Variants in DAB1 observed in about 807,000 individuals in gnomAD.
DAB1 encodes the protein DAB adaptor protein 1, also known as disabled homolog 1.
A neutral mutation model predicts 64.6 loss-of-function variants in DAB1; 15 were observed. The ratio of observed to expected loss-of-function variants is 0.23; its 90% CI spans 0.16 to 0.36. The LOEUF is 0.36. DAB1 is among the 10% of genes least tolerant of loss of function. The probability of loss-of-function intolerance (pLI) is 1.00; values close to 1 mark genes in which losing one functional copy is unlikely to be tolerated. For missense variants in DAB1, 596 were observed against 706.7 expected (o/e 0.84, Z 1.78); for synonymous variants, 235 against 251.9 (o/e 0.93, Z 0.64).
chr1:57,845,259 A>G (rs1024227540), intron 1 of DAB1, among the ~76,000 whole-genome samples: 1 of 152,140 alleles, frequency 6.6e-6, no homozygotes, highest in African/African-American at 2.4e-5. Flanking sequence ...TCACAATCTG[A>G]TGATTAAACT....
chr1:57,795,330 C>T (rs1650795074), intron 6 of DAB1, among the ~76,000 whole-genome samples: 1 of 152,048 alleles, frequency 6.6e-6, no homozygotes, highest in African/African-American at 2.4e-5. Context: ...CACTAGAACT[C>T]TTTTTCCTTT....
chr1:58,329,726 ATG>A (rs1195855437), intron 4 of DAB1, among the ~76,000 whole-genome samples: 1 of 152,048 alleles, frequency 6.6e-6, no homozygotes, highest in African/African-American at 2.4e-5. Flanking sequence ...TCATTATTTT[ATG>A]TGTTATGGTG....
At chr1:57,945,323 G>T (rs542992180) in intron 5 of DAB1, among the ~76,000 whole-genome samples, 2 of 152,142 alleles carry the variant, frequency 1.3e-5, no homozygotes, top group East Asian at 3.9e-4. Context: ...GTAGTGGTTT[G>T]TTCATAGCTC....
At chr1:58,277,107 TC>T (rs1661467278) in intron 4 of DAB1, among the ~76,000 whole-genome samples, 1 of 145,562 alleles carries the variant, frequency 6.9e-6, no homozygotes. Flanking sequence ...TGGTATGATC[TC>T]GGCTCCCTGC....
chr1:58,187,565 ATAT>A (rs377009640), intron 4 of DAB1, among the ~76,000 whole-genome samples: 1,715 of 148,122 alleles, frequency 0.012, 18 homozygotes, highest in African/African-American at 0.03. Context: ...TATATTTTAT[ATAT>A]TATTATTATT....
At chr1:57,722,555 G>T (rs1371190869) in intron 6 of DAB1, among the ~76,000 whole-genome samples, 1 of 152,202 alleles carries the variant, frequency 6.6e-6, no homozygotes, top group Non-Finnish European at 1.5e-5. Context: ...GATAAGGAAT[G>T]TGAGAGTGAA....
At chr1:57,233,210 G>A (rs1159401906) in intron 2 of DAB1, among the ~76,000 whole-genome samples, 1 of 147,482 alleles carries the variant, frequency 6.8e-6, no homozygotes, top group Non-Finnish European at 1.5e-5. Flanking sequence ...CTTTCAGGAA[G>A]GATTCACCCA....
chr1:57,601,718 G>C (rs1395700752), intron 7 of DAB1, among the ~76,000 whole-genome samples: 1 of 152,194 alleles, frequency 6.6e-6, no homozygotes, highest in Non-Finnish European at 1.5e-5. Context: ...TAGGACTGAT[G>C]ACTCACCATG....
At chr1:57,841,359 G>C (rs1333691896) in intron 1 of DAB1, among the ~76,000 whole-genome samples, 4 of 152,190 alleles carry the variant, frequency 2.6e-5, no homozygotes. Context: ...GGATCTACCA[G>C]TCTGGGGTCT....
intron 6 of DAB1, among the ~76,000 whole-genome samples, chr1:57,773,384 C>T (rs1013508706): frequency 6.0e-5 from 9 of 151,258 alleles, no homozygotes; most frequent in South Asian, 2.1e-4. Flanking sequence ...CAGACACGTA[C>T]ACACAAACAC....
intron 5 of DAB1, among the ~76,000 whole-genome samples, chr1:58,013,123 T>C (rs183055079): frequency 1.3e-5 from 2 of 152,304 alleles, no homozygotes; most frequent in Admixed American, 6.5e-5. Context: ...CACAGTCTCG[T>C]CAGTCTGTGA....
At chr1:58,309,381 C>G (rs745746250) in intron 4 of DAB1, among the ~76,000 whole-genome samples, 3 of 152,108 alleles carry the variant, frequency 2.0e-5, no homozygotes, top group Non-Finnish European at 2.9e-5. Context: ...TCAACTGTGC[C>G]ACCACAAACA....
intron 4 of DAB1, among the ~76,000 whole-genome samples, chr1:58,215,498 G>A (rs917389500): frequency 7.9e-5 from 12 of 151,774 alleles, no homozygotes; most frequent in African/African-American, 2.7e-4. Flanking sequence ...TAGATTGTTA[G>A]CCTCCTAAAG....
At chr1:57,622,773 T>C (rs535217165) in intron 7 of DAB1, among the ~76,000 whole-genome samples, 1 of 152,336 alleles carries the variant, frequency 6.6e-6, no homozygotes, top group Admixed American at 6.5e-5. Context: ...GGATTTTCTC[T>C]ATGAAGTGTA....
At chr1:57,289,455 T>C (rs1672589406) in intron 2 of DAB1, among the ~76,000 whole-genome samples, 1 of 152,200 alleles carries the variant, frequency 6.6e-6, no homozygotes, top group South Asian at 2.1e-4. Context: ...CCACTTACTT[T>C]CTTTCTATTA....
chr1:57,106,783 T>A (rs944396435), intron 4 of DAB1, among the ~76,000 whole-genome samples: 103 of 152,292 alleles, frequency 6.8e-4, no homozygotes, highest in African/African-American at 2.5e-3. Context: ...TTAAACTTGA[T>A]GGAAAGTAAG....
chr1:57,853,949 G>C (rs1170440068), intron 1 of DAB1, among the ~76,000 whole-genome samples: 1 of 152,138 alleles, frequency 6.6e-6, no homozygotes, highest in African/African-American at 2.4e-5. Context: ...GTTTTTGCTT[G>C]TATTACACAT....
chr1:57,319,809 A>G (rs915973559), intron 1 of DAB1, among the ~76,000 whole-genome samples: 1 of 152,046 alleles, frequency 6.6e-6, no homozygotes, highest in East Asian at 1.9e-4. Context: ...AAAAAAAAAA[A>G]TAACCTCGAT....
intron 6 of DAB1, among the ~76,000 whole-genome samples, chr1:57,784,794 G>A (rs1310671972): frequency 6.6e-6 from 1 of 152,198 alleles, no homozygotes. Flanking sequence ...ACAGAAAAGT[G>A]CAAGATGAAG....
Sources: gnomAD v4.1 joint callset for allele counts (sites outside exome capture counted in the v4.1 genomes callset) on GRCh38, gnomAD v4.1.1 for gene constraint, MANE v1.5 for transcripts, NCBI Gene and HGNC (gene_info 2026-07-23, HGNC 2026-07-21) for gene names.